The following MEPE variants were observed in gnomAD, a reference collection of about 807,000 sequenced individuals.
MEPE encodes matrix extracellular phosphoglycoprotein, also known as matrix, extracellular phosphoglycoprotein with ASARM motif (bone).
Under a neutral mutation model 7.3 loss-of-function variants are expected in MEPE, and 7 were observed. That is an observed-to-expected ratio of 0.95 (90% CI 0.54 to 1.79). The LOEUF (loss-of-function observed/expected upper bound fraction) is 1.79, where lower values mean the gene tolerates loss of function less well. Ranked by LOEUF, MEPE falls within the 40% of genes most tolerant of loss-of-function variation. MEPE has a pLI of 0.00. For synonymous variants in MEPE, 214 were observed against 213.1 expected, an observed-to-expected ratio of 1.00 and a Z score of -0.04; for missense variants, 623 against 628.2, an observed-to-expected ratio of 0.99 and a Z score of 0.09.
chr4:87,841,780 C>T (rs1167893376), intron 3 of MEPE, among the ~76,000 whole-genome samples: 2 of 152,136 alleles, frequency 1.3e-5, no homozygotes, highest in Admixed American at 6.5e-5. Flanking sequence ...ACACACAGCC[C>T]GAGGATGACA....
intron 2 of MEPE, 69 bp downstream of exon 2, chr4:87,834,837 C>A: frequency 7.3e-7 from 1 of 1,361,148 alleles, no homozygotes; most frequent in South Asian, 1.3e-5. Flanking sequence ...TTCTTTCAAG[C>A]AACGTCTATT....
intron 2 of MEPE, among the ~76,000 whole-genome samples, chr4:87,837,188 T>C (rs1307359078): frequency 6.6e-6 from 1 of 151,736 alleles, no homozygotes; most frequent in Admixed American, 6.6e-5. Context: ...CACCCAAGGA[T>C]CGAAGCTATT....
chr4:87,830,980 T>C (rs1722584289), upstream of MEPE, among the ~76,000 whole-genome samples: 1 of 152,156 alleles, frequency 6.6e-6, no homozygotes, highest in South Asian at 2.1e-4. Context: ...TCTTATTATA[T>C]ATCATTTGTA....
chr4:87,841,881 A>T (rs1448080057), intron 3 of MEPE, among the ~76,000 whole-genome samples: 1 of 152,182 alleles, frequency 6.6e-6, no homozygotes, highest in Non-Finnish European at 1.5e-5. Flanking sequence ...GACTGGGAAA[A>T]CCGTTGTGTA....
chr4:87,839,561 C>G, intron 3 of MEPE: 1 of 670,736 alleles, frequency 1.5e-6, no homozygotes, highest in East Asian at 2.7e-5. Flanking sequence ...AGAAGTACTA[C>G]CATTTGTCAG....
intron 3 of MEPE, among the ~76,000 whole-genome samples, chr4:87,840,887 A>T (rs1722987309): frequency 6.6e-6 from 1 of 152,200 alleles, no homozygotes; most frequent in Non-Finnish European, 1.5e-5. Flanking sequence ...TGGAGACAGA[A>T]AAGCAGAGCA....
intron 1 of MEPE, among the ~76,000 whole-genome samples, chr4:87,824,359 A>G (rs1722411786): frequency 1.3e-5 from 2 of 152,226 alleles, no homozygotes; most frequent in South Asian, 4.1e-4. Flanking sequence ...TGAAAAAGTT[A>G]CCTTTAAATA....
intron 3 of MEPE, chr4:87,839,547 T>C: frequency 1.6e-6 from 1 of 633,834 alleles, no homozygotes; most frequent in South Asian, 2.0e-5. Flanking sequence ...CTCCTGTGGT[T>C]ATAAGAAGTA....
Position 87,846,078 on chromosome 4 carries a change from A to C in MEPE, c.1210A>C (p.Lys404Gln). The change falls in exon 4 of 4, where the codon AAA (lysine) becomes CAA (glutamine). Residue 404 changes from lysine (K) to glutamine (Q), a missense_variant. By Grantham distance (53) the Lys-to-Gln change is moderately conservative. Transcript: ENST00000361056. Reference protein sequence around the residue: ...TNYNEIPKNGKGSTRKGVDHS... With the variant: ...TNYNEIPKNGQGSTRKGVDHS... ...CTATAATGAAATTCCTAAAAATGGCAAAGGCAGTACCAGAAAGGGTGTAGA... is the reference window on the plus strand; with the variant it reads ...CTATAATGAAATTCCTAAAAATGGCCAAGGCAGTACCAGAAAGGGTGTAGA... 1 of 1,614,074 alleles carries C rather than the reference A, an allele frequency of 6.2e-7. No individual in the cohort carries two copies. The highest frequency in any genetic ancestry group is 8.5e-7 in the Non-Finnish European group (1 of 1,179,954).
At chr4:87,821,935 T>C (rs767989772) in intron 1 of MEPE, among the ~76,000 whole-genome samples, 27 of 152,104 alleles carry the variant, frequency 1.8e-4, no homozygotes, top group Non-Finnish European at 3.5e-4. Context: ...ACCTCATATA[T>C]GCAGCACAAG....
At chr4:87,837,497 T>C (rs1722843933) in intron 2 of MEPE, 1 of 152,278 alleles carries the variant, frequency 6.6e-6, no homozygotes. Flanking sequence ...CCCAATATCT[T>C]AGTGCAAGCA....
intron 3 of MEPE, chr4:87,839,902 T>C: frequency 6.5e-7 from 1 of 1,539,270 alleles, no homozygotes; most frequent in African/African-American, 1.4e-5. Context: ...TGGCTGGCAC[T>C]TTTGTCCCTT....
At chr4:87,840,343 A>C (rs1722967822) in intron 3 of MEPE, among the ~76,000 whole-genome samples, 1 of 152,198 alleles carries the variant, frequency 6.6e-6, no homozygotes. Flanking sequence ...TCATCGGCCA[A>C]AGGGCTGGAA....
chr4:87,826,067 T>C (rs957655396), intron 1 of MEPE, among the ~76,000 whole-genome samples: 23 of 152,258 alleles, frequency 1.5e-4, no homozygotes, highest in African/African-American at 5.5e-4. Flanking sequence ...CATGCCACAT[T>C]TTCTTTATCC....
chr4:87,828,056 T>G (rs2109989970), upstream of MEPE, among the ~76,000 whole-genome samples: 1 of 152,326 alleles, frequency 6.6e-6, no homozygotes, highest in Non-Finnish European at 1.5e-5. Context: ...AAACATTCCT[T>G]CTGCTAAAAA....
At chr4:87,835,847 T>C (rs925492459) in intron 2 of MEPE, among the ~76,000 whole-genome samples, 1 of 152,196 alleles carries the variant, frequency 6.6e-6, no homozygotes, top group Admixed American at 6.5e-5. Context: ...AGATTTTATT[T>C]TGAGCAACAT....
Position 87,837,313 on chromosome 4 carries a change from A to G in MEPE, c.55-1319A>G, listed in dbSNP as rs570974863. Among the ~76,000 whole-genome samples the G allele has an allele frequency of 3.9e-5, 6 of 152,198 alleles. No individual in the cohort carries two copies. In the South Asian group the frequency reaches 8.3e-4, roughly 21 times the overall value. ...TCTAGAGATGCAGCCCCAAACACGGAGAGTAGAGAAGGACATACCCTGGCT... is the reference window on the plus strand; with the variant it reads ...TCTAGAGATGCAGCCCCAAACACGGGGAGTAGAGAAGGACATACCCTGGCT... On this transcript the variant is annotated intron_variant, in intron 2 of 3. Coordinates refer to ENST00000361056, the MANE Select transcript of MEPE (RefSeq NM_020203.6).
At chr4:87,827,535 GA>G (rs1409851135) in intron 1 of MEPE, among the ~76,000 whole-genome samples, 2 of 152,124 alleles carry the variant, frequency 1.3e-5, no homozygotes, top group Non-Finnish European at 2.9e-5. Context: ...TCTTGGTCTT[GA>G]AAAACAAAAC....
intron 3 of MEPE, among the ~76,000 whole-genome samples, chr4:87,840,385 T>C (rs1722970143): frequency 6.6e-6 from 1 of 152,234 alleles, no homozygotes; most frequent in South Asian, 2.1e-4. Context: ...AAAAGGGCTA[T>C]TTACTTTTTC....
Sources: allele counts gnomAD v4.1 joint callset (sites outside exome capture counted in the v4.1 genomes callset), GRCh38; gene constraint gnomAD v4.1.1; transcripts MANE v1.5; gene names NCBI Gene and HGNC (gene_info 2026-07-23, HGNC 2026-07-21).